DNAH5: variants seen among roughly 807,000 people sequenced by gnomAD.
DNAH5 encodes the protein dynein axonemal heavy chain 5.
DNAH5 carries 372 observed loss-of-function variants against 518.2 expected under a neutral mutation model. The ratio of observed to expected loss-of-function variants is 0.72; its 90% CI spans 0.66 to 0.78. The LOEUF (loss-of-function observed/expected upper bound fraction) is 0.78, where lower values mean the gene tolerates loss of function less well. DNAH5 is among the 30% of genes least tolerant of loss of function. The pLI, the probability that DNAH5 is intolerant of heterozygous loss-of-function variation, is 0.00. For synonymous variants in DNAH5, 2,039 were observed against 2,025.9 expected (o/e 1.01, Z -0.17); for missense variants, 5,523 against 5,687.0 (o/e 0.97, Z 0.93).
At chr5:13,726,170 G>T (rs957799065) in intron 70 of DNAH5, among the ~76,000 whole-genome samples, 1 of 152,208 alleles carries the variant, frequency 6.6e-6, no homozygotes, top group African/African-American at 2.4e-5. Context: ...TTGTCAGGTT[G>T]AAAATCACAA....
chr5:13,954,222 C>A (rs1470007152), intron 1 of DNAH5, among the ~76,000 whole-genome samples: 2 of 152,168 alleles, frequency 1.3e-5, no homozygotes, highest in African/African-American at 4.8e-5. Context: ...ATATACCCTG[C>A]ACGATGTTAT....
chr5:13,714,323 TGCCC>T, intron 75 of DNAH5, 78 bp downstream of exon 75: 3 of 1,354,100 alleles, frequency 2.2e-6, no homozygotes, highest in Admixed American at 1.7e-5. Flanking sequence ...AATCATTTTT[TGCCC>T]TCCTTTCTTC....
intron 1 of DNAH5, among the ~76,000 whole-genome samples, chr5:14,000,238 G>A (rs904821977): frequency 6.6e-6 from 1 of 152,204 alleles, no homozygotes; most frequent in African/African-American, 2.4e-5. Flanking sequence ...GGCAATGTGA[G>A]GACACGGGGA....
intron 58 of DNAH5, among the ~76,000 whole-genome samples, chr5:13,767,679 CTG>C (rs1238790307): frequency 1.3e-5 from 2 of 152,194 alleles, no homozygotes; most frequent in Non-Finnish European, 2.9e-5. Flanking sequence ...TGGTGCTCAG[CTG>C]TGTTAGATGC....
intron 65 of DNAH5, among the ~76,000 whole-genome samples, chr5:13,739,771 G>A (rs532105412): frequency 2.6e-5 from 4 of 152,232 alleles, no homozygotes; most frequent in Middle Eastern, 3.4e-3. Flanking sequence ...TAACCATTAC[G>A]CAAGTTCTTC....
chr5:13,897,895 T>C (rs962148), intron 15 of DNAH5: 81,169 of 151,968 alleles, frequency 0.53, 22,072 homozygotes, highest in African/African-American at 0.63. Context: ...CTGTGAGACA[T>C]CTGAGGCTAT....
chr5:13,752,093 G>A, intron 64 of DNAH5, 41 bp downstream of exon 64: 1 of 1,606,416 alleles, frequency 6.2e-7, no homozygotes, highest in East Asian at 2.2e-5. Flanking sequence ...CTGGCCTCAT[G>A]GTAATTGTTC....
intron 1 of DNAH5, among the ~76,000 whole-genome samples, chr5:13,991,708 G>C (rs1465978419): frequency 6.6e-6 from 1 of 152,060 alleles, no homozygotes; most frequent in African/African-American, 2.4e-5. Flanking sequence ...AGGTGTGAGG[G>C]GGAGCCCTTC....
At chr5:14,010,585 T>A (rs1430271206) in intron 1 of DNAH5, among the ~76,000 whole-genome samples, 2 of 152,192 alleles carry the variant, frequency 1.3e-5, no homozygotes, top group Non-Finnish European at 2.9e-5. Context: ...AACAGTCACT[T>A]GAAATACTAA....
chr5:13,729,707 C>A (rs1746234702), intron 68 of DNAH5, 147 bp from the exon 69 acceptor site: 4 of 728,188 alleles, frequency 5.5e-6, no homozygotes, highest in Non-Finnish European at 8.7e-6. Context: ...GAGAAACATG[C>A]AACATTTAAT....
intron 59 of DNAH5, 44 bp downstream of exon 59, chr5:13,765,932 G>T: frequency 6.3e-7 from 1 of 1,576,478 alleles, no homozygotes; most frequent in Non-Finnish European, 8.7e-7. Flanking sequence ...ATACACCAGT[G>T]AAGAATGAGT....
intron 50 of DNAH5, among the ~76,000 whole-genome samples, chr5:13,789,531 G>A (rs185297297): frequency 4.6e-5 from 7 of 152,288 alleles, no homozygotes; most frequent in East Asian, 1.9e-4. Context: ...TATTTGATAT[G>A]AAAGACTGGT....
chr5:13,751,498 T>C (rs1032517055), intron 64 of DNAH5, among the ~76,000 whole-genome samples: 2 of 152,134 alleles, frequency 1.3e-5, no homozygotes, highest in South Asian at 4.1e-4. Flanking sequence ...ATGGACTGAA[T>C]ATAGAATTTA....
At chr5:13,770,277 T>A (rs1486273843) in intron 56 of DNAH5, among the ~76,000 whole-genome samples, 1 of 152,130 alleles carries the variant, frequency 6.6e-6, no homozygotes. Flanking sequence ...GCAGTGAACA[T>A]ATGCATCAAC....
chr5:13,955,267 G>A (rs192189013), intron 1 of DNAH5, among the ~76,000 whole-genome samples: 4 of 152,248 alleles, frequency 2.6e-5, no homozygotes, highest in Admixed American at 6.5e-5. Context: ...TTTGCCTTCT[G>A]CCATGATTGT....
intron 30 of DNAH5, among the ~76,000 whole-genome samples, chr5:13,857,276 A>G (rs1447242411): frequency 6.6e-6 from 1 of 152,214 alleles, no homozygotes; most frequent in East Asian, 1.9e-4. Flanking sequence ...CTACAAAGAT[A>G]ATAAAATACC....
Position 13,814,836 on chromosome 5 carries a change from GAT to G in DNAH5, c.6997_6998del (p.Ile2333LeufsTer5), listed in dbSNP as rs1414935740. On this transcript the variant is annotated frameshift_variant, in exon 43 of 79. Transcript: ENST00000265104. LOFTEE classifies it high-confidence loss of function. ...CTACTGGACCATCAAGAATTATCCA[GAT>G]ATGTTCCCCTAGAATACCCCACCAA... is the stretch of plus-strand genomic sequence containing the variant. ...KTLRAKKGEH[I>X]WIILDGPVDA... The G allele has an allele frequency of 6.2e-7, 1 of 1,613,132 alleles. No individual in the cohort carries two copies. Among genetic ancestry groups the G allele is most frequent in the Non-Finnish European group, 8.5e-7 (1 of 1,179,856 alleles).
chr5:13,838,258 C>T (rs1160981764), intron 35 of DNAH5, among the ~76,000 whole-genome samples: 1 of 152,148 alleles, frequency 6.6e-6, no homozygotes, highest in Non-Finnish European at 1.5e-5. Context: ...TCAGGGTCCC[C>T]AGCCCCCAGG....
intron 35 of DNAH5, among the ~76,000 whole-genome samples, chr5:13,836,947 G>A (rs1042473146): frequency 1.3e-5 from 2 of 152,226 alleles, no homozygotes; most frequent in African/African-American, 4.8e-5. Context: ...GAGGGAAGGA[G>A]TCAGGATCAA....
Sources: gnomAD v4.1 joint callset for allele counts (sites outside exome capture counted in the v4.1 genomes callset) on GRCh38, gnomAD v4.1.1 for gene constraint, MANE v1.5 for transcripts, NCBI Gene and HGNC (gene_info 2026-07-23, HGNC 2026-07-21) for gene names.